Variants in MYO15A observed in about 807,000 individuals in gnomAD.
MYO15A encodes unconventional myosin-XV.
MYO15A carries 308 observed loss-of-function variants against 394.6 expected under a neutral mutation model. That is an observed-to-expected ratio of 0.78 (90% confidence interval 0.71 to 0.86). The LOEUF (loss-of-function observed/expected upper bound fraction) is 0.86. Ranked by LOEUF, MYO15A falls within the 40% of genes least tolerant of loss-of-function variation. The pLI is 0.00. For missense variants in MYO15A, 4,606 were observed against 4,799.1 expected, an observed-to-expected ratio of 0.96 and a Z score of 1.19; for synonymous variants, 1,957 against 2,003.8, an observed-to-expected ratio of 0.98 and a Z score of 0.62.
Position 18,145,911 on chromosome 17 carries a change from C to T in MYO15A, c.6313C>T (p.Arg2105Trp), listed in dbSNP as rs752036415. The T allele has an allele frequency of 5.6e-6, 9 of 1,613,328 alleles. No homozygotes were observed. The highest frequency in any genetic ancestry group is 5.0e-5 in the Admixed American group (3 of 59,966). ...FMGDPHLHGA[R>W]ENIFGNYIVQ... ...GGGCGACCCCCACCTGCATGGTGCC[C>T]GGGAGAACATCTTCGGGAACTACAT... The change falls in exon 30 of 66, where the codon CGG (arginine) becomes TGG (tryptophan). Residue 2105 changes from arginine (R) to tryptophan (W), a missense_variant. This residue lies in a region of MYO15A where 2,776 missense variants were observed against 3,109.3 expected (regional missense o/e 0.89). Transcript: ENST00000647165.
chr17:18,136,315 C>G, intron 13 of MYO15A, 102 bp from the exon 14 acceptor site: 1 of 1,421,998 alleles, frequency 7.0e-7, no homozygotes, highest in Admixed American at 1.7e-5. Context: ...CAACATCCCT[C>G]CAGCCTCCCT....
rs1430711917 is a variant in MYO15A, at chr17:18,138,806, C to T, written c.5008-5C>T. 6.2e-7 allele frequency: 1 copy of T among 1,613,666 alleles called. No individual in the cohort carries two copies. Among genetic ancestry groups the T allele is most frequent in the Non-Finnish European group, 8.5e-7 (1 of 1,179,888 alleles). On this transcript the variant is annotated splice_polypyrimidine_tract_variant and splice_region_variant and intron_variant, in intron 17 of 65. Transcript: ENST00000647165. ...CCCACCCACTGATCCCTAAATTGCC[C>T]CCAGGCTACAGACCACACCTTCCTA... is the stretch of plus-strand genomic sequence containing the variant.
chr17:18,143,917 C>G lies in MYO15A; in HGVS notation c.6094C>G (p.Arg2032Gly). Residue 2032 changes from arginine (R) to glycine (G), a missense_variant, in exon 28 of 66, where the codon CGA (arginine) becomes GGA (glycine). Physicochemically the swap from Arg to Gly is moderately radical, Grantham distance 125. Coordinates refer to ENST00000647165, the MANE Select transcript of MYO15A (RefSeq NM_016239.4). Reference sequence around the variant, plus strand: ...TCAGGTGGCCCCTGTGAGGACTCCTCGACTCCAGGCTGAGCCCCGTGTCAC... The same window carrying G: ...TCAGGTGGCCCCTGTGAGGACTCCTGGACTCCAGGCTGAGCCCCGTGTCAC... ...VPQVAPVRTPRLQAEPRVTLP... is the reference protein window; with the variant it reads ...VPQVAPVRTPGLQAEPRVTLP... 2 of 1,604,354 alleles carry G rather than the reference C, an allele frequency of 1.2e-6. No individual in the cohort carries two copies. Among genetic ancestry groups the G allele is most frequent in the Non-Finnish European group, 1.7e-6 (2 of 1,175,212 alleles).
chr17:18,154,098 C>A, intron 43 of MYO15A, 33 bp from the exon 44 acceptor site: 1 of 1,612,914 alleles, frequency 6.2e-7, no homozygotes, highest in South Asian at 1.1e-5. Flanking sequence ...AGGGGGCAGT[C>A]GGACAGTACC....
At position 18,156,996 on chromosome 17, in the gene MYO15A, G is replaced by A. The variant is rs752873001; in HGVS notation, c.8644G>A (p.Asp2882Asn). 37 of 1,614,064 alleles carry A rather than the reference G, an allele frequency of 2.3e-5. No individual in the cohort carries two copies. The highest frequency in any genetic ancestry group is 3.3e-4 in the Middle Eastern group (2 of 6,084). ...CGCTGTGAGGAACTTCCTGCCTGAG[G>A]ACCCTGCGCTGCTGGCTTTCCACAA... ...VVAVRNFLPE[D>N]PALLAFHKGD... The change falls in exon 49 of 66, where the codon GAC (aspartate) becomes AAC (asparagine). Residue 2882 changes from aspartate (D) to asparagine (N), a missense_variant. This residue lies in a region of MYO15A where 2,776 missense variants were observed against 3,109.3 expected (regional missense o/e 0.89). Transcript: ENST00000647165.
Position 18,119,793 on chromosome 17 carries a change from G to A in MYO15A, c.993G>A (p.Gly331=). 1 of 1,613,134 alleles carries A rather than the reference G, an allele frequency of 6.2e-7. No homozygotes were observed. The highest frequency in any genetic ancestry group is 1.1e-5 in the South Asian group (1 of 91,092). ...GYSSPYSYHD[G]YEGEAHPYGY... ...CGTCTCCTTACAGCTACCACGATGGGTACGAGGGCGAGGCGCACCCTTATG... is the reference window on the plus strand; with the variant it reads ...CGTCTCCTTACAGCTACCACGATGGATACGAGGGCGAGGCGCACCCTTATG... The change falls in exon 2 of 66, where the codon GGG becomes GGA. Residue 331 remains glycine (G), a synonymous_variant. Coordinates refer to ENST00000647165, the MANE Select transcript of MYO15A (RefSeq NM_016239.4).
At chr17:18,131,649 C>T (rs1457943668) in intron 10 of MYO15A, 118 bp downstream of exon 10, 3 of 1,221,144 alleles carry the variant, frequency 2.5e-6, no homozygotes, top group Non-Finnish European at 3.5e-6. Flanking sequence ...CGAATACATG[C>T]GTACATGTGT....
rs1302509172 is a variant in MYO15A, at chr17:18,148,770, A to C, written c.6774A>C (p.Ala2258=). ...TGCATGCCATCACCAGGGGGCTGGC[A>C]GATGGCTGGCGCGGCTGGACCGTGG... ...AGDILRHRGL[A]DGWRGWTVAM... Residue 2258 remains alanine (A), a synonymous_variant, in exon 33 of 66, where the codon GCA becomes GCC. Transcript: ENST00000647165. This position sits in a 1 kb window ranked among gnomAD's most constrained non-coding sequence, Gnocchi z 4.8. 6 of 1,599,382 alleles carry C rather than the reference A, an allele frequency of 3.8e-6. No individual in the cohort carries two copies. The South Asian group carries it at 5.6e-5, about 15-fold the overall frequency.
At chr17:18,168,567 CAAA>C (rs769813064) in intron 62 of MYO15A, among the ~76,000 whole-genome samples, 2 of 98,544 alleles carry the variant, frequency 2.0e-5, no homozygotes, top group Non-Finnish European at 2.2e-5. Context: ...GACTCCGTCT[CAAA>C]AAAAAAAAAA....
rs1270503159 is a variant in MYO15A, at chr17:18,148,497, T to G, written c.6693T>G (p.Gly2231=). ...SMALDVGCFN[G]DQFSCPVHSW... Reference sequence around the variant, plus strand: ...AGCCCGGCACCTGCTGCGCCCCAGGTGACCAGTTCTCCTGCCCGGTGCACT... The same window carrying G: ...AGCCCGGCACCTGCTGCGCCCCAGGGGACCAGTTCTCCTGCCCGGTGCACT... Residue 2231 remains glycine, a splice_region_variant and synonymous_variant, in exon 32 of 66, where the codon GGT becomes GGG. Coordinates refer to ENST00000647165, the MANE Select transcript of MYO15A (RefSeq NM_016239.4). The surrounding 1 kb of genome is among the most constrained non-coding windows in gnomAD (Gnocchi z 4.8). 1 of 1,552,242 alleles carries G rather than the reference T, an allele frequency of 6.4e-7. No homozygotes were observed. The highest frequency in any genetic ancestry group is 1.2e-5 in the South Asian group (1 of 84,098).
At chr17:18,161,848 G>A (rs1237324515) in intron 57 of MYO15A, among the ~76,000 whole-genome samples, 2 of 152,034 alleles carry the variant, frequency 1.3e-5, no homozygotes, top group Non-Finnish European at 2.9e-5. Flanking sequence ...GAGGGATCTG[G>A]GCAGAGGTGG....
At chr17:18,142,339 C>G (rs909280576) in intron 24 of MYO15A, 85 bp downstream of exon 24, 1 of 1,480,434 alleles carries the variant, frequency 6.8e-7, no homozygotes, top group African/African-American at 1.4e-5. Context: ...GGTGAGCTCC[C>G]TATCCCTGGA....
chr17:18,130,561 G>A (rs958639946), intron 7 of MYO15A, among the ~76,000 whole-genome samples: 4 of 151,978 alleles, frequency 2.6e-5, no homozygotes, highest in Non-Finnish European at 5.9e-5. Flanking sequence ...TAGCCATGGG[G>A]GTGGGGAGAA....
chr17:18,116,808 T>C (rs2045793092), intron 1 of MYO15A, among the ~76,000 whole-genome samples: 1 of 151,846 alleles, frequency 6.6e-6, no homozygotes. Context: ...TAATCCAAGA[T>C]ATTTGGGAGA....
rs771163370 is a variant in MYO15A at position 18,120,271 on chromosome 17, G to A, written c.1471G>A (p.Glu491Lys). Residue 491 changes from glutamate (E) to lysine (K), a missense_variant, in exon 2 of 66, where the codon GAG (glutamate) becomes AAG (lysine). This residue lies in a region of MYO15A where 1,830 missense variants were observed against 1,689.7 expected (regional missense o/e 1.08). Coordinates refer to ENST00000647165, the MANE Select transcript of MYO15A (RefSeq NM_016239.4). ...ACCCCAGGTGAAGCTGTTTGGGAAG[G>A]AGAAGCTGGAGGTGCCCCTGCCACC... is the stretch of plus-strand genomic sequence containing the variant. ...PRPQVKLFGK[E>K]KLEVPLPPSL... is the part of the protein sequence containing the mutation. The A allele has an allele frequency of 6.2e-6, 10 of 1,611,646 alleles. No homozygotes were observed. In the East Asian group the frequency reaches 2.2e-4, roughly 36 times the overall value.
rs2047054464 is a variant in MYO15A at position 18,179,033 on chromosome 17, A to C, written c.*163A>C. ...AACTCAAATCCCCAAGAACACAAGA[A>C]GACCCATCCTGAACTGGGATGGAAT... On this transcript the variant is annotated 3_prime_UTR_variant, in exon 66 of 66. Transcript: ENST00000647165. 5 of 713,938 alleles carry C rather than the reference A, an allele frequency of 7.0e-6. No individual in the cohort carries two copies. The highest frequency in any genetic ancestry group is 6.4e-5 in the South Asian group (4 of 62,778). The allele number at this position is 713,938 out of a possible 1,614,324, so 44.2% of individuals were successfully genotyped here. A position where few individuals can be genotyped will look rare whatever the true frequency, so the allele number is the denominator to read the frequency against.
Position 18,159,923 on chromosome 17 carries a change from G to GC in MYO15A, c.9304-6dup, listed in dbSNP as rs1390166367. ...CATGTCTTTGGTGTGTAACCTCCCT[G>GC]CCCCCCTTCAGCTGTGCGGGGACCA... On this transcript the variant is annotated splice_polypyrimidine_tract_variant and intron_variant, in intron 55 of 65. Coordinates refer to ENST00000647165, the MANE Select transcript of MYO15A (RefSeq NM_016239.4). 1 of 1,613,774 alleles carries GC rather than the reference G, an allele frequency of 6.2e-7. No homozygotes were observed. The highest frequency in any genetic ancestry group is 8.5e-7 in the Non-Finnish European group (1 of 1,179,870).
intron 3 of MYO15A, 142 bp downstream of exon 3, chr17:18,124,707 A>C: frequency 5.1e-6 from 4 of 786,186 alleles, no homozygotes; most frequent in Non-Finnish European, 8.2e-6. Context: ...CAAAGACTAA[A>C]TGTGGTGTGC....
Position 18,132,474 on chromosome 17 carries a change from C to G in MYO15A, c.4228C>G (p.His1410Asp). 1.9e-6 allele frequency: 3 copies of G among 1,614,008 alleles called. No individual in the cohort carries two copies. The highest frequency in any genetic ancestry group is 1.7e-6 in the Non-Finnish European group (2 of 1,180,040). The change falls in exon 11 of 66, where the codon CAC becomes GAC. Residue 1410 changes from histidine to aspartate, a missense_variant. His to Asp is a moderately conservative substitution (Grantham distance 81). This residue lies in a region of MYO15A where 2,776 missense variants were observed against 3,109.3 expected (regional missense o/e 0.89). Transcript: ENST00000647165. This position sits in a 1 kb window ranked among gnomAD's most constrained non-coding sequence, Gnocchi z 4.6. ...VFQAKNERNYHIFYELLAGLP... is the reference protein window; with the variant it reads ...VFQAKNERNYDIFYELLAGLP... ...ACAGGCCAAAAACGAGAGGAATTAC[C>G]ACATCTTCTACGAGTTGCTGGCCGG...
Sources: allele counts gnomAD v4.1 joint callset (sites outside exome capture counted in the v4.1 genomes callset), GRCh38; gene constraint gnomAD v4.1.1; regional missense constraint gnomAD v4.1.1; non-coding constraint Gnocchi (gnomAD v3.1); transcripts MANE v1.5; gene names NCBI Gene and HGNC (gene_info 2026-07-23, HGNC 2026-07-21).